Variants in PSME4 observed in about 807,000 individuals in gnomAD.
PSME4 encodes the protein proteasome activator complex subunit 4.
In PSME4, 89 loss-of-function variants were observed where a neutral mutation model predicts 253.9. That is an observed-to-expected ratio of 0.35 (90% CI 0.30 to 0.42). The LOEUF is 0.42. PSME4 is among the 10% of genes least tolerant of loss of function. PSME4 has a pLI of 1.00. For synonymous variants in PSME4, 851 were observed against 759.2 expected (o/e 1.12, Z -1.99); for missense variants, 2,014 against 2,195.2 (o/e 0.92, Z 1.65).
chr2:53,898,016 A>G lies in PSME4; in HGVS notation c.3477-17T>C, dbSNP rs1680220686. On this transcript the variant is annotated splice_polypyrimidine_tract_variant and intron_variant, in intron 30 of 46. Transcript: ENST00000404125. ...TTCCAGGGCCTTAAAAGGAGGAAAAATAACAAAGCATATCACACATAAAAC... is the reference window on the plus strand; with the variant it reads ...TTCCAGGGCCTTAAAAGGAGGAAAAGTAACAAAGCATATCACACATAAAAC... 2.5e-6 allele frequency: 4 copies of G among 1,608,848 alleles called. No homozygotes were observed. Among genetic ancestry groups the G allele is most frequent in the South Asian group, 2.2e-5 (2 of 89,668 alleles).
At chr2:53,970,213 G>C (rs895602715) in intron 1 of PSME4, among the ~76,000 whole-genome samples, 3 of 152,170 alleles carry the variant, frequency 2.0e-5, no homozygotes, top group Non-Finnish European at 4.4e-5. Context: ...GAGGACCCTT[G>C]AGAAAGGCTC....
chr2:53,939,926 A>T (rs776011899), intron 4 of PSME4, 30 bp downstream of exon 4: 1 of 1,549,218 alleles, frequency 6.5e-7, no homozygotes, highest in African/African-American at 1.4e-5. Flanking sequence ...AGAAACAACA[A>T]GAGGCTTTAT....
intron 1 of PSME4, among the ~76,000 whole-genome samples, chr2:53,956,304 G>A (rs1222370017): frequency 4.0e-5 from 6 of 151,848 alleles, no homozygotes; most frequent in Admixed American, 3.9e-4. Flanking sequence ...CAAAGCAGGA[G>A]GATCACCTGA....
chr2:53,897,843 A>T (rs753874754), intron 31 of PSME4, 27 bp downstream of exon 31: 25 of 1,608,178 alleles, frequency 1.6e-5, no homozygotes, highest in Non-Finnish European at 2.1e-5. Flanking sequence ...CTCAAACCCA[A>T]GACTGTAGCT....
chr2:53,923,272 TAGTTGATTGTTG>T, intron 15 of PSME4, 37 bp downstream of exon 15: 1 of 1,545,314 alleles, frequency 6.5e-7, no homozygotes. Context: ...CCATATAAAC[TAGTTGATTGTTG>T]AGTCATTAAT....
At chr2:53,960,461 T>C (rs1241258856) in intron 1 of PSME4, among the ~76,000 whole-genome samples, 4 of 150,336 alleles carry the variant, frequency 2.7e-5, no homozygotes, top group Non-Finnish European at 5.9e-5. Flanking sequence ...TAAGAATGCA[T>C]ATTTCGGTGG....
intron 20 of PSME4, among the ~76,000 whole-genome samples, chr2:53,911,873 T>A (rs1044389269): frequency 1.3e-5 from 2 of 152,224 alleles, no homozygotes; most frequent in Non-Finnish European, 2.9e-5. Context: ...CATTTGGGAA[T>A]TTAAAGTTTT....
chr2:53,946,890 G>C (rs772576272), intron 3 of PSME4, among the ~76,000 whole-genome samples: 1 of 151,862 alleles, frequency 6.6e-6, no homozygotes, highest in South Asian at 2.1e-4. Flanking sequence ...CTCCAGCCTA[G>C]GCAACAGAGC....
chr2:53,866,002 A>T (rs559687052), intron 46 of PSME4, 83 bp downstream of exon 46: 1 of 1,324,968 alleles, frequency 7.5e-7, no homozygotes, highest in African/African-American at 1.5e-5. Flanking sequence ...GACATCTAAG[A>T]ATGTCAGCAA....
chr2:53,965,422 G>A (rs1314009572), intron 1 of PSME4, among the ~76,000 whole-genome samples: 2 of 152,012 alleles, frequency 1.3e-5, no homozygotes, highest in African/African-American at 4.8e-5. Flanking sequence ...AGTAGAGACA[G>A]GGTTTCACCA....
At position 53,955,411 on chromosome 2, in the gene PSME4, G is replaced by A. The variant is rs188972358; in HGVS notation, c.243-6128C>T. 1.5e-3 allele frequency among the ~76,000 whole-genome samples: 233 copies of A among 152,184 alleles called. 1 individual carries two copies. Among genetic ancestry groups the A allele is most frequent in the East Asian group, 6.6e-3 (34 of 5,184 alleles). On this transcript the variant is annotated intron_variant, in intron 1 of 46. Transcript: ENST00000404125. Reference sequence around the variant, plus strand: ...TTAAAGCTCATCAGCTATCATTAGCGTTAGTATATTTTATGTGTGGCCCAA... The same window carrying A: ...TTAAAGCTCATCAGCTATCATTAGCATTAGTATATTTTATGTGTGGCCCAA...
chr2:53,970,527 G>A lies in PSME4; in HGVS notation c.242+16C>T, dbSNP rs1671018958. 3 of 1,547,076 alleles carry A rather than the reference G, an allele frequency of 1.9e-6. No homozygotes were observed. The highest frequency in any genetic ancestry group is 2.6e-6 in the Non-Finnish European group (3 of 1,146,566). Reference sequence around the variant, plus strand: ...CCTTTCCCCCCGGCCCGGCCCGCAGGCCCGGGCACACTTACGTGGAGAGTT... The same window carrying A: ...CCTTTCCCCCCGGCCCGGCCCGCAGACCCGGGCACACTTACGTGGAGAGTT... On this transcript the variant is annotated intron_variant, in intron 1 of 46. Transcript: ENST00000404125.
chr2:53,937,486 C>A lies in PSME4; in HGVS notation c.600G>T (p.Met200Ile). The A allele has an allele frequency of 6.2e-7, 1 of 1,611,232 alleles. No homozygotes were observed. Among genetic ancestry groups the A allele is most frequent in the South Asian group, 1.1e-5 (1 of 90,626 alleles). ...AEMLEEWRPL[M>I]CPFDVTMQKA... is the part of the protein sequence containing the mutation. ...TTTGCATGGTTACATCAAAAGGGCACATTAAAGGTCGCCATTCTTCTAGCA... is the reference window on the plus strand; with the variant it reads ...TTTGCATGGTTACATCAAAAGGGCAAATTAAAGGTCGCCATTCTTCTAGCA... The change falls in exon 5 of 47, where the codon ATG (methionine) becomes ATT (isoleucine). Residue 200 changes from methionine to isoleucine, a missense_variant. Physicochemically the swap from Met to Ile is conservative, Grantham distance 10. This residue lies in a region of PSME4 where 615 missense variants were observed against 594.4 expected (regional missense o/e 1.03). Transcript: ENST00000404125.
intron 1 of PSME4, among the ~76,000 whole-genome samples, chr2:53,959,980 T>C (rs1211878728): frequency 6.6e-6 from 1 of 152,218 alleles, no homozygotes; most frequent in Non-Finnish European, 1.5e-5. Flanking sequence ...GATTGATTTT[T>C]TTAGCCCAAT....
intron 12 of PSME4, 28 bp from the exon 13 acceptor site, chr2:53,926,051 T>TACA: frequency 1.3e-6 from 2 of 1,576,482 alleles, no homozygotes; most frequent in Non-Finnish European, 1.7e-6. Flanking sequence ...GGAGAAAGAT[T>TACA]ACATATAGCC....
intron 3 of PSME4, among the ~76,000 whole-genome samples, chr2:53,945,729 A>G (rs1370785217): frequency 6.6e-6 from 1 of 152,228 alleles, no homozygotes; most frequent in Admixed American, 6.5e-5. Context: ...CAAATTAAGC[A>G]ATCTTTCACT....
At chr2:53,957,373 C>G (rs925251754) in intron 1 of PSME4, among the ~76,000 whole-genome samples, 1 of 152,094 alleles carries the variant, frequency 6.6e-6, no homozygotes, top group African/African-American at 2.4e-5. Flanking sequence ...CAGTGGGAGT[C>G]CTGAGCTTAT....
chr2:53,875,229 T>A (rs1679065866), intron 42 of PSME4, among the ~76,000 whole-genome samples: 2 of 152,184 alleles, frequency 1.3e-5, no homozygotes, highest in African/African-American at 4.8e-5. Context: ...AAGCTGACCA[T>A]ACAGTATACC....
rs761393821 is a variant in PSME4 at position 53,934,737 on chromosome 2, GA to G, written c.835-11del. On this transcript the variant is annotated splice_polypyrimidine_tract_variant and intron_variant, in intron 7 of 46. Transcript: ENST00000404125. ...GAATTCTTGTAAATATCTTTTAAAA[GA>G]AAAAAATAAGTAAGGATATTTACAG... The G allele has an allele frequency of 6.3e-5, 99 of 1,559,500 alleles. No homozygotes were observed. In the African/African-American group the frequency reaches 1.2e-3, roughly 19 times the overall value.
Sources: gnomAD v4.1 joint callset for allele counts (sites outside exome capture counted in the v4.1 genomes callset) on GRCh38, gnomAD v4.1.1 for gene constraint, gnomAD v4.1.1 regional missense constraint, MANE v1.5 for transcripts, NCBI Gene and HGNC (gene_info 2026-07-23, HGNC 2026-07-21) for gene names.